Variants in MTTP observed in about 807,000 individuals in gnomAD.
The protein encoded by MTTP is microsomal triglyceride transfer protein.
In MTTP, 49 loss-of-function variants were observed where a neutral mutation model predicts 90.6. The ratio of observed to expected loss-of-function variants is 0.54; its 90% CI spans 0.43 to 0.69. The LOEUF is 0.69. Ranked by LOEUF, MTTP falls within the 30% of genes least tolerant of loss-of-function variation. The pLI, the probability that MTTP is intolerant of heterozygous loss-of-function variation, is 0.00. For synonymous variants in MTTP, 347 were observed against 384.2 expected (o/e 0.90, Z 1.13); for missense variants, 945 against 1,067.5 (o/e 0.89, Z 1.60).
At chr4:99,586,200 C>T (rs778730823) in intron 3 of MTTP, among the ~76,000 whole-genome samples, 25 of 152,120 alleles carry the variant, frequency 1.6e-4, no homozygotes, top group Admixed American at 7.9e-4. Flanking sequence ...CATTGCACAT[C>T]TTCTTTTTTC....
intron 1 of MTTP, among the ~76,000 whole-genome samples, chr4:99,566,637 G>GC (rs1474473049): frequency 6.6e-6 from 1 of 152,150 alleles, no homozygotes; most frequent in Non-Finnish European, 1.5e-5. Flanking sequence ...TTTAAGAACA[G>GC]CCATAAATAT....
At chr4:99,594,911 C>T in intron 7 of MTTP, 28 bp downstream of exon 7, 5 of 1,611,182 alleles carry the variant, frequency 3.1e-6, no homozygotes, top group Non-Finnish European at 4.2e-6. Flanking sequence ...TGGGAATAAT[C>T]ATGACATCAG....
chr4:99,613,224 C>T lies in MTTP; in HGVS notation c.2217+84C>T, dbSNP rs148125652. The T allele has an allele frequency of 1.0e-3, 1,312 of 1,270,774 alleles. 65 individuals are homozygous for T. The East Asian group carries it at 0.03, about 29-fold the overall frequency. The allele number at this position is 1,270,774 out of a possible 1,614,324, so 78.7% of individuals were successfully genotyped here. On this transcript the variant is annotated intron_variant, in intron 15 of 17. Transcript: ENST00000265517. Reference sequence around the variant, plus strand: ...AAATATGCTTAGTTCTTGGAGGATACAAGACAAAATTGTGCCCATCTTGGA... The same window carrying T: ...AAATATGCTTAGTTCTTGGAGGATATAAGACAAAATTGTGCCCATCTTGGA...
In MTTP at chr4:99,575,109, G is replaced by A. The variant is rs1724926268; in HGVS notation, c.61+139G>A. 3 of 966,604 alleles carry A rather than the reference G, an allele frequency of 3.1e-6. No homozygotes were observed. The African/African-American group carries it at 4.9e-5, about 16-fold the overall frequency. The allele number at this position is 966,604 out of a possible 1,614,324, so 59.9% of individuals were successfully genotyped here. A position where few individuals can be genotyped will look rare whatever the true frequency, so the allele number is the denominator to read the frequency against. On this transcript the variant is annotated intron_variant, in intron 1 of 17. Transcript: ENST00000265517. ...CTATCTTCAAAACCATGTAACTTTG[G>A]AATGTTTGTGAAAGCATGGCTGAGT...
chr4:99,566,405 A>G (rs940354734), intron 1 of MTTP, among the ~76,000 whole-genome samples: 9 of 152,224 alleles, frequency 5.9e-5, no homozygotes, highest in Admixed American at 5.2e-4. Context: ...GATTTTAAAA[A>G]GAATGAGCAC....
intron 1 of MTTP, among the ~76,000 whole-genome samples, chr4:99,577,181 C>T (rs986444357): frequency 2.0e-5 from 3 of 152,142 alleles, no homozygotes; most frequent in African/African-American, 7.2e-5. Context: ...GAAGAGTTTA[C>T]CTTAAAATCA....
chr4:99,596,562 A>C lies in MTTP; in HGVS notation c.910-505A>C, dbSNP rs963965841. Among the ~76,000 whole-genome samples, 9 of 152,294 alleles carry C rather than the reference A, an allele frequency of 5.9e-5. No homozygotes were observed. In the South Asian group the frequency reaches 6.2e-4, roughly 11 times the overall value. ...AGACCTTAGCAACAGCAAAACATTG[A>C]ATTTTGTACAAATAATAAAATAAAG... On this transcript the variant is annotated intron_variant, in intron 7 of 17. Transcript: ENST00000265517.
chr4:99,600,898 A>G (rs888942428), intron 9 of MTTP, among the ~76,000 whole-genome samples, 165 bp downstream of exon 9: 6 of 152,176 alleles, frequency 3.9e-5, no homozygotes, highest in Non-Finnish European at 8.8e-5. Flanking sequence ...TTAACTGTAT[A>G]ATAAATTATT....
In MTTP at chr4:99,574,936, C is replaced by G; in HGVS notation, c.27C>G (p.Leu9=). 1 of 1,614,216 alleles carries G rather than the reference C, an allele frequency of 6.2e-7. No homozygotes were observed. Among genetic ancestry groups the G allele is most frequent in the African/African-American group, 1.3e-5 (1 of 75,062 alleles). Residue 9 remains leucine (L), a synonymous_variant, in exon 1 of 18, where the codon CTC becomes CTG. Coordinates refer to ENST00000265517, the MANE Select transcript of MTTP (RefSeq NM_001386140.1). The stretch of plus-strand genomic sequence containing the variant: ...TGATTCTTCTTGCTGTGCTTTTTCT[C>G]TGCTTCATTTCCTCATATTCAGCTT... MILLAVLF[L]CFISSYSASV...
In MTTP at chr4:99,608,763, C is replaced by T. The variant is rs933248577; in HGVS notation, c.1558-3C>T. On this transcript the variant is annotated splice_region_variant and splice_polypyrimidine_tract_variant and intron_variant, in intron 11 of 17. Transcript: ENST00000265517. ...GCACTAAGTTTGAACATCTTATGAA[C>T]AGGTGAAGAAGACCTTAAACAGAAT... The T allele has an allele frequency of 6.2e-7, 1 of 1,611,504 alleles. No homozygotes were observed. The highest frequency in any genetic ancestry group is 1.3e-5 in the African/African-American group (1 of 74,878).
Position 99,589,740 on chromosome 4 carries a change from C to G in MTTP, c.491C>G (p.Thr164Ser). 6.4e-7 allele frequency: 1 copy of G among 1,574,620 alleles called. No individual in the cohort carries two copies. The highest frequency in any genetic ancestry group is 8.7e-7 in the Non-Finnish European group (1 of 1,145,266). ...TTTCAGACACAGTTAAGCTCTGGAA[C>G]CACCAATGAGGTACTTACCAATATT... ...SLFQTQLSSG[T>S]TNEVDISGNC... Residue 164 changes from threonine (T) to serine (S), a missense_variant, in exon 4 of 18, where the codon ACC becomes AGC. Coordinates refer to ENST00000265517, the MANE Select transcript of MTTP (RefSeq NM_001386140.1).
In MTTP at chr4:99,608,906, G is replaced by T. The variant is rs769310726; in HGVS notation, c.1698G>T (p.Glu566Asp). 8 of 1,614,102 alleles carry T rather than the reference G, an allele frequency of 5.0e-6. No individual in the cohort carries two copies. The highest frequency in any genetic ancestry group is 1.6e-4 in the Middle Eastern group (1 of 6,062). ...DVKNILLSIG[E>D]LPQEMNKYML... The stretch of plus-strand genomic sequence containing the variant: ...AGAACATCCTGCTGTCTATTGGGGA[G>T]CTTCCCCAAGAAATGAATAAATACA... The change falls in exon 12 of 18, where the codon GAG becomes GAT. Residue 566 changes from glutamate (E) to aspartate (D), a missense_variant. Physicochemically the swap from Glu to Asp is conservative, Grantham distance 45 (BLOSUM62 2). Transcript: ENST00000265517.
At chr4:99,618,425 T>C (rs1726148743) in intron 15 of MTTP, among the ~76,000 whole-genome samples, 1 of 152,232 alleles carries the variant, frequency 6.6e-6, no homozygotes, top group Admixed American at 6.5e-5. Flanking sequence ...AGAGATCACC[T>C]GATCCAAACC....
At chr4:99,576,393 ATATACT>A (rs1406596178) in intron 1 of MTTP, among the ~76,000 whole-genome samples, 2 of 152,166 alleles carry the variant, frequency 1.3e-5, no homozygotes, top group African/African-American at 4.8e-5. Context: ...ATGTTTTCAA[ATATACT>A]TATAAAAAAT....
chr4:99,584,893 C>G (rs1038892027), intron 3 of MTTP, among the ~76,000 whole-genome samples: 1 of 152,076 alleles, frequency 6.6e-6, no homozygotes, highest in Non-Finnish European at 1.5e-5. Context: ...AGAATTATGC[C>G]TTGCACTGAA....
At chr4:99,594,963 T>C (rs1260431091) in intron 7 of MTTP, 80 bp downstream of exon 7, 21 of 1,536,802 alleles carry the variant, frequency 1.4e-5, no homozygotes, top group African/African-American at 2.7e-5. Context: ...ATCAACTCAT[T>C]CAATGAAGAC....
intron 8 of MTTP, among the ~76,000 whole-genome samples, chr4:99,598,910 G>A (rs1192231556): frequency 1.1e-4 from 16 of 152,040 alleles, no homozygotes; most frequent in Non-Finnish European, 1.3e-4. Context: ...TGATCCACCC[G>A]CCTCGGCCTC....
chr4:99,565,222 A>T (rs937503629), intron 1 of MTTP, among the ~76,000 whole-genome samples: 3 of 152,184 alleles, frequency 2.0e-5, no homozygotes, highest in Non-Finnish European at 2.9e-5. Context: ...CTCCTATGGG[A>T]TCTGTTTTAT....
chr4:99,581,289 T>A (rs1385013608), intron 1 of MTTP, among the ~76,000 whole-genome samples: 3 of 152,228 alleles, frequency 2.0e-5, no homozygotes, highest in Admixed American at 2.0e-4. Flanking sequence ...TTTAAGCCTG[T>A]ACTAAGATTT....
Sources: gnomAD v4.1 joint callset for allele counts (sites outside exome capture counted in the v4.1 genomes callset) on GRCh38, gnomAD v4.1.1 for gene constraint, MANE v1.5 for transcripts, NCBI Gene and HGNC (gene_info 2026-07-23, HGNC 2026-07-21) for gene names.